Variants in PHACTR1 observed in about 807,000 individuals in gnomAD.
PHACTR1 encodes RPEL repeat containing 1.
A neutral mutation model predicts 69.2 loss-of-function variants in PHACTR1; 16 were observed. The observed-to-expected ratio is 0.23, with a 90% confidence interval of 0.16 to 0.35. The LOEUF (loss-of-function observed/expected upper bound fraction) is 0.35, where lower values mean the gene tolerates loss of function less well. PHACTR1 is among the 10% of genes least tolerant of loss of function. PHACTR1 has a pLI of 1.00. For synonymous variants in PHACTR1, 312 were observed against 284.5 expected, an observed-to-expected ratio of 1.10 and a Z score of -0.97; for missense variants, 510 against 734.7, an observed-to-expected ratio of 0.69 and a Z score of 3.54.
intron 4 of PHACTR1, among the ~76,000 whole-genome samples, chr6:13,022,363 G>C (rs755696473): frequency 6.6e-6 from 1 of 152,192 alleles, no homozygotes; most frequent in Non-Finnish European, 1.5e-5. Flanking sequence ...AACCTATCTA[G>C]ATCAGGGGTT....
chr6:12,959,837 G>T (rs1205061903), intron 4 of PHACTR1, among the ~76,000 whole-genome samples: 1 of 152,146 alleles, frequency 6.6e-6, no homozygotes, highest in Non-Finnish European at 1.5e-5. Flanking sequence ...CATAGATCAT[G>T]GTGCCCACAT....
intron 4 of PHACTR1, among the ~76,000 whole-genome samples, chr6:12,757,055 A>G (rs1767410452): frequency 6.6e-6 from 1 of 152,224 alleles, no homozygotes; most frequent in South Asian, 2.1e-4. Flanking sequence ...ATTGTATTGT[A>G]TGTTATAAGT....
intron 4 of PHACTR1, among the ~76,000 whole-genome samples, chr6:12,926,013 C>T (rs899303211): frequency 6.6e-6 from 1 of 152,172 alleles, no homozygotes; most frequent in Non-Finnish European, 1.5e-5. Flanking sequence ...CCGTCTTCCA[C>T]GTTCTTCCTT....
chr6:13,236,569 C>T (rs1772021018), intron 10 of PHACTR1, among the ~76,000 whole-genome samples: 1 of 152,166 alleles, frequency 6.6e-6, no homozygotes, highest in Non-Finnish European at 1.5e-5. Context: ...GGATGCATCA[C>T]ATCAATCTCT....
At chr6:12,877,215 G>A (rs1297595858) in intron 4 of PHACTR1, among the ~76,000 whole-genome samples, 2 of 152,170 alleles carry the variant, frequency 1.3e-5, no homozygotes, top group Non-Finnish European at 2.9e-5. Context: ...TCACAACAAA[G>A]CAAAGCCATT....
At chr6:12,724,648 G>A (rs1445838889) in intron 3 of PHACTR1, among the ~76,000 whole-genome samples, 1 of 152,182 alleles carries the variant, frequency 6.6e-6, no homozygotes, top group East Asian at 1.9e-4. Context: ...CAACCCCGCA[G>A]ATCAGCAAAG....
intron 3 of PHACTR1, among the ~76,000 whole-genome samples, chr6:12,736,872 C>G (rs550677368): frequency 1.3e-5 from 2 of 152,252 alleles, no homozygotes; most frequent in South Asian, 4.1e-4. Flanking sequence ...CATTTGCTCT[C>G]TCTTGTCTCT....
chr6:13,148,308 C>G (rs956015601), intron 5 of PHACTR1, among the ~76,000 whole-genome samples: 2 of 151,786 alleles, frequency 1.3e-5, no homozygotes, highest in African/African-American at 4.8e-5. Flanking sequence ...TTGCTTTTTC[C>G]TTCTGAAGTG....
intron 4 of PHACTR1, among the ~76,000 whole-genome samples, chr6:12,855,151 G>C (rs1309880865): frequency 6.6e-6 from 1 of 152,146 alleles, no homozygotes; most frequent in Non-Finnish European, 1.5e-5. Flanking sequence ...CCTATCAATG[G>C]TGGACTGGAT....
At chr6:13,046,410 A>G (rs1805054530) in intron 4 of PHACTR1, among the ~76,000 whole-genome samples, 1 of 152,092 alleles carries the variant, frequency 6.6e-6, no homozygotes, top group Non-Finnish European at 1.5e-5. Flanking sequence ...GCTAATACAT[A>G]AATTGGATCC....
chr6:12,982,887 C>T (rs1795692643), intron 4 of PHACTR1, among the ~76,000 whole-genome samples: 1 of 152,142 alleles, frequency 6.6e-6, no homozygotes, highest in African/African-American at 2.4e-5. Context: ...GATGTATATT[C>T]ACAATAACTA....
intron 4 of PHACTR1, among the ~76,000 whole-genome samples, chr6:12,919,998 T>C (rs1247630941): frequency 6.6e-6 from 1 of 152,238 alleles, no homozygotes; most frequent in Admixed American, 6.5e-5. Flanking sequence ...TTTTTTCATC[T>C]TCAAAACATT....
intron 3 of PHACTR1, among the ~76,000 whole-genome samples, chr6:12,732,149 C>T (rs923645842): frequency 6.6e-6 from 1 of 151,902 alleles, no homozygotes; most frequent in Non-Finnish European, 1.5e-5. Flanking sequence ...TTGTTTTTCC[C>T]TCTCACTACC....
intron 4 of PHACTR1, among the ~76,000 whole-genome samples, chr6:13,013,870 G>T: frequency 6.8e-6 from 1 of 148,056 alleles, no homozygotes; most frequent in African/African-American, 2.5e-5. Flanking sequence ...GCCCGGCCCC[G>T]GGCGCCCGGG....
At chr6:13,265,795 C>A (rs1475926211) in intron 10 of PHACTR1, among the ~76,000 whole-genome samples, 1 of 152,198 alleles carries the variant, frequency 6.6e-6, no homozygotes, top group African/African-American at 2.4e-5. Flanking sequence ...CTCCCCTCCC[C>A]AGAATCCATG....
At chr6:12,787,169 C>T (rs1164026211) in intron 4 of PHACTR1, among the ~76,000 whole-genome samples, 1 of 152,186 alleles carries the variant, frequency 6.6e-6, no homozygotes, top group Non-Finnish European at 1.5e-5. Flanking sequence ...GAAATTAGGA[C>T]AATGTGTGAG....
chr6:13,190,196 G>GTTTTTTT (rs1220683843), intron 7 of PHACTR1, among the ~76,000 whole-genome samples: 1,407 of 31,748 alleles, frequency 0.044, 79 homozygotes, highest in African/African-American at 0.13. Flanking sequence ...GCTAATTTTT[G>GTTTTTTT]TATTTTTTTT....
intron 3 of PHACTR1, among the ~76,000 whole-genome samples, chr6:12,724,812 G>A (rs1762575559): frequency 6.6e-6 from 1 of 152,108 alleles, no homozygotes; most frequent in Non-Finnish European, 1.5e-5. Context: ...ACTGTGTGAG[G>A]TTTCTTTTCT....
intron 7 of PHACTR1, 110 bp from the exon 8 acceptor site, chr6:13,205,705 T>G: frequency 9.5e-7 from 1 of 1,057,620 alleles, no homozygotes; most frequent in East Asian, 2.5e-5. Context: ...GCATTTTACC[T>G]AAGAGGCTCA....
Sources: gnomAD v4.1 joint callset for allele counts (sites outside exome capture counted in the v4.1 genomes callset) on GRCh38, gnomAD v4.1.1 for gene constraint, MANE v1.5 for transcripts, NCBI Gene and HGNC (gene_info 2026-07-23, HGNC 2026-07-21) for gene names.